The following MLLT10 variants were observed in gnomAD, a reference collection of about 807,000 sequenced individuals.
MLLT10 encodes the protein MLLT10 histone lysine methyltransferase DOT1L cofactor, also known as protein AF-10.
MLLT10 carries 30 observed loss-of-function variants against 129.1 expected under a neutral mutation model. The ratio of observed to expected loss-of-function variants is 0.23; its 90% CI spans 0.17 to 0.32. The LOEUF (loss-of-function observed/expected upper bound fraction) is 0.32. Among genes scored for constraint, MLLT10 ranks in the 10% least tolerant of loss-of-function variants. The pLI is 1.00. For synonymous variants in MLLT10, 490 were observed against 446.4 expected (o/e 1.10, Z -1.23); for missense variants, 1,119 against 1,268.3 (o/e 0.88, Z 1.79).
At chr10:21,722,667 C>T (rs1454856627) in intron 14 of MLLT10, among the ~76,000 whole-genome samples, 1 of 152,128 alleles carries the variant, frequency 6.6e-6, no homozygotes, top group African/African-American at 2.4e-5. Flanking sequence ...AGCCGTCTTC[C>T]TCTTCTGCAT....
At chr10:21,644,337 C>T (rs149295380) in intron 8 of MLLT10, among the ~76,000 whole-genome samples, 3 of 152,146 alleles carry the variant, frequency 2.0e-5, no homozygotes, top group African/African-American at 7.2e-5. Flanking sequence ...GACACTTATT[C>T]CATTATAATT....
At chr10:21,625,789 A>T in intron 8 of MLLT10, 1 of 768,054 alleles carries the variant, frequency 1.3e-6, no homozygotes, top group Non-Finnish European at 2.4e-6. Context: ...CTTCCTGTGC[A>T]GCTTCCTTTC....
At chr10:21,656,772 A>G (rs1349460951) in intron 9 of MLLT10, among the ~76,000 whole-genome samples, 1 of 152,154 alleles carries the variant, frequency 6.6e-6, no homozygotes, top group African/African-American at 2.4e-5. Context: ...ATGGTAGTGG[A>G]CCACCGGTGA....
At chr10:21,639,417 C>T (rs1287410784) in intron 8 of MLLT10, among the ~76,000 whole-genome samples, 1 of 152,180 alleles carries the variant, frequency 6.6e-6, no homozygotes, top group Non-Finnish European at 1.5e-5. Flanking sequence ...GTTCCCACAG[C>T]CCCCTCCTTG....
intron 3 of MLLT10, among the ~76,000 whole-genome samples, chr10:21,559,324 C>T (rs1046631685): frequency 1.4e-4 from 21 of 152,102 alleles, no homozygotes; most frequent in African/African-American, 1.7e-4. Context: ...CCTTGTGATC[C>T]GCCTTGGCCT....
At chr10:21,724,048 A>G (rs1365509217) in intron 14 of MLLT10, among the ~76,000 whole-genome samples, 8 of 152,256 alleles carry the variant, frequency 5.3e-5, no homozygotes, top group African/African-American at 1.9e-4. Flanking sequence ...ACTACTAAAT[A>G]CATGGTAAGT....
chr10:21,709,507 A>C (rs1282494758), intron 13 of MLLT10, among the ~76,000 whole-genome samples: 1 of 152,256 alleles, frequency 6.6e-6, no homozygotes, highest in Non-Finnish European at 1.5e-5. Context: ...CTGGGATTAC[A>C]GATGTGAGCC....
rs553089590 is a variant in MLLT10, at chr10:21,725,851, C to T, written c.1879-393C>T. On this transcript the variant is annotated intron_variant, in intron 14 of 22. Transcript: ENST00000307729. ...CTGCAAGCTCCACCTCCTGGGTTCA[C>T]GCCATTCTCCTGCCTCAGCCTCCCG... is the stretch of plus-strand genomic sequence containing the variant. Among the ~76,000 whole-genome samples, 604 of 150,992 alleles carry T rather than the reference C, an allele frequency of 4.0e-3. 2 individuals carry two copies. Among genetic ancestry groups the T allele is most frequent in the Non-Finnish European group, 6.1e-3 (414 of 67,798 alleles).
rs139388650 is a variant in MLLT10, at chr10:21,719,713, A to G, written c.1878+5763A>G. On this transcript the variant is annotated intron_variant, in intron 14 of 22. Coordinates refer to ENST00000307729, the MANE Select transcript of MLLT10 (RefSeq NM_001195626.3). ...GAGCCTCAATGTTTCCATATGTAAAATGGGAATACTTTAAGTACCTGTTCT... is the reference window on the plus strand; with the variant it reads ...GAGCCTCAATGTTTCCATATGTAAAGTGGGAATACTTTAAGTACCTGTTCT... Among the ~76,000 whole-genome samples, 213 of 152,238 alleles carry G rather than the reference A, an allele frequency of 1.4e-3. 4 individuals are homozygous for G. Among genetic ancestry groups the G allele is most frequent in the African/African-American group, 4.8e-3 (201 of 41,550 alleles).
chr10:21,568,153 G>A (rs1305959059), intron 3 of MLLT10, among the ~76,000 whole-genome samples: 3 of 152,062 alleles, frequency 2.0e-5, no homozygotes, highest in African/African-American at 4.8e-5. Flanking sequence ...AGTGCCCATC[G>A]GTGTTCCTGA....
intron 4 of MLLT10, among the ~76,000 whole-genome samples, chr10:21,594,502 G>A (rs1353964375): frequency 1.4e-5 from 2 of 145,416 alleles, no homozygotes; most frequent in Non-Finnish European, 3.0e-5. Context: ...GCGGTGAGAC[G>A]AGATCGCGCC....
Position 21,563,453 on chromosome 10 carries a change from G to A in MLLT10, c.241-22841G>A, listed in dbSNP as rs146100416. On this transcript the variant is annotated intron_variant, in intron 3 of 22. Coordinates refer to ENST00000307729, the MANE Select transcript of MLLT10 (RefSeq NM_001195626.3). Reference sequence around the variant, plus strand: ...CATGAGAATTGCTTGAAACCAGGAGGCAGAGGTTGCAGTGAGCTGAGATTG... The same window carrying A: ...CATGAGAATTGCTTGAAACCAGGAGACAGAGGTTGCAGTGAGCTGAGATTG... Among the ~76,000 whole-genome samples the A allele has an allele frequency of 3.9e-5, 6 of 152,124 alleles. No homozygotes were observed. The East Asian group carries it at 1.2e-3, about 30-fold the overall frequency.
chr10:21,625,522 C>T, intron 8 of MLLT10: 3 of 863,934 alleles, frequency 3.5e-6, no homozygotes, highest in Non-Finnish European at 6.0e-6. Context: ...TTTTACTTTT[C>T]CAGCATCTGG....
intron 11 of MLLT10, among the ~76,000 whole-genome samples, chr10:21,678,236 C>G (rs2052387255): frequency 6.6e-6 from 1 of 152,096 alleles, no homozygotes; most frequent in African/African-American, 2.4e-5. Flanking sequence ...TCCCTAGTAG[C>G]TGGGACTACA....
intron 3 of MLLT10, among the ~76,000 whole-genome samples, chr10:21,574,778 T>G (rs771800464): frequency 1.1e-4 from 16 of 152,194 alleles, no homozygotes; most frequent in Non-Finnish European, 1.8e-4. Context: ...AGCATGTTAA[T>G]GTATTATAAT....
chr10:21,638,264 A>C (rs371400752), intron 8 of MLLT10, among the ~76,000 whole-genome samples: 4 of 66,128 alleles, frequency 6.0e-5, no homozygotes, highest in African/African-American at 2.5e-4. Flanking sequence ...TGGTGGGGGG[A>C]GGGGGGCGGG....
intron 8 of MLLT10, among the ~76,000 whole-genome samples, chr10:21,627,145 C>G (rs1219452753): frequency 6.6e-6 from 1 of 151,926 alleles, no homozygotes; most frequent in African/African-American, 2.4e-5. Flanking sequence ...AAAATGTTAA[C>G]ATTTTACCAT....
At chr10:21,586,401 GTA>G in intron 4 of MLLT10, 53 bp downstream of exon 4, 1 of 1,251,366 alleles carries the variant, frequency 8.0e-7, no homozygotes, top group South Asian at 1.4e-5. Context: ...GGACAGTGGA[GTA>G]TTTTCAAATA....
intron 3 of MLLT10, among the ~76,000 whole-genome samples, chr10:21,559,209 A>G (rs1372433485): frequency 2.0e-5 from 3 of 152,136 alleles, no homozygotes; most frequent in South Asian, 2.1e-4. Context: ...TCAGCCTCCC[A>G]GGAAGCTGGG....
Sources: gnomAD v4.1 joint callset for allele counts (sites outside exome capture counted in the v4.1 genomes callset) on GRCh38, gnomAD v4.1.1 for gene constraint, MANE v1.5 for transcripts, NCBI Gene and HGNC (gene_info 2026-07-23, HGNC 2026-07-21) for gene names.